The following HCN4 variants were observed in gnomAD, a reference collection of about 807,000 sequenced individuals.
The protein encoded by HCN4 is hyperpolarization activated cyclic nucleotide gated potassium channel 4.
In HCN4, 29 loss-of-function variants were observed where a neutral mutation model predicts 76.9. That is an observed-to-expected ratio of 0.38 (90% CI 0.28 to 0.51). HCN4 has a LOEUF of 0.51. HCN4 is among the 20% of genes least tolerant of loss of function. The pLI, the probability that HCN4 is intolerant of heterozygous loss-of-function variation, is 0.90. For synonymous variants in HCN4, 772 were observed against 762.5 expected (o/e 1.01, Z -0.21); for missense variants, 1,416 against 1,715.2 (o/e 0.83, Z 3.08).
chr15:73,333,565 C>G (rs77895166), intron 2 of HCN4, among the ~76,000 whole-genome samples: 1 of 152,160 alleles, frequency 6.6e-6, no homozygotes, highest in Non-Finnish European at 1.5e-5. Flanking sequence ...TACTTTTTGT[C>G]CACAGCTCAT....
rs551675674 is a variant in HCN4, at chr15:73,351,880, C to T, written c.786-8072G>A. On this transcript the variant is annotated intron_variant, in intron 1 of 7. Transcript: ENST00000261917. The stretch of plus-strand genomic sequence containing the variant: ...TGCTGCAGACAGACTCAGCAGCCTT[C>T]GGTGTCCCCAACGCATGGTGCTTTC... Among the ~76,000 whole-genome samples the T allele has an allele frequency of 4.6e-5, 7 of 152,274 alleles. No homozygotes were observed. In the South Asian group the frequency reaches 1.2e-3, roughly 27 times the overall value.
chr15:73,368,265 G>C lies in HCN4; in HGVS notation c.6C>G (p.Asp2Glu), dbSNP rs1230881569. 49 of 1,489,830 alleles carry C rather than the reference G, an allele frequency of 3.3e-5. No homozygotes were observed. Among genetic ancestry groups the C allele is most frequent in the Non-Finnish European group, 4.2e-5 (47 of 1,123,944 alleles). The allele number at this position is 1,489,830 out of a possible 1,614,324, so 92.3% of individuals were successfully genotyped here. M[D>E]KLPPSMRKRL... ...GCTTGCGCATGGACGGCGGCAGCTT[G>C]TCCATGGCGCCAGGGGCCGGGGTCG... The change falls in exon 1 of 8, where the codon GAC (aspartate) becomes GAG (glutamate). Residue 2 changes from aspartate to glutamate, a missense_variant. By Grantham distance (45) the Asp-to-Glu change is conservative. Transcript: ENST00000261917. This position sits in a 1 kb window ranked among gnomAD's most constrained non-coding sequence, Gnocchi z 6.9.
At chr15:73,352,812 C>T (rs1292269985) in intron 1 of HCN4, among the ~76,000 whole-genome samples, 1 of 152,214 alleles carries the variant, frequency 6.6e-6, no homozygotes, top group Admixed American at 6.5e-5. Flanking sequence ...GAGGCAACTC[C>T]ACTGCTCTCC....
rs952368455 is a variant in HCN4 at position 73,368,402 on chromosome 15, C to G, written c.-132G>C. The G allele has an allele frequency of 3.7e-4, 198 of 538,638 alleles. No homozygotes were observed. Among genetic ancestry groups the G allele is most frequent in the Non-Finnish European group, 4.9e-4 (170 of 347,546 alleles). 33.4% of individuals were successfully genotyped at this position (538,638 alleles called of 1,614,324 possible). A position where few individuals can be genotyped will look rare whatever the true frequency, so the allele number is the denominator to read the frequency against. On this transcript the variant is annotated 5_prime_UTR_variant, in exon 1 of 8. Transcript: ENST00000261917. The surrounding 1 kb of genome is among the most constrained non-coding windows in gnomAD (Gnocchi z 6.9). The stretch of plus-strand genomic sequence containing the variant: ...CCGCCGGCGTGGGGGCAGCCTCAGG[C>G]GCCCATGCTTGGGCAGGCTGCGCGC...
At chr15:73,350,005 A>G (rs2043046974) in intron 1 of HCN4, among the ~76,000 whole-genome samples, 1 of 152,038 alleles carries the variant, frequency 6.6e-6, no homozygotes, top group Non-Finnish European at 1.5e-5. Context: ...TCCCACCTCA[A>G]TGGTCCATTC....
At position 73,325,710 on chromosome 15, in the gene HCN4, G is replaced by C. The variant is rs1383350792; in HGVS notation, c.1591-266C>G. Among the ~76,000 whole-genome samples the C allele has an allele frequency of 6.6e-6, 1 of 152,198 alleles. No homozygotes were observed. Among genetic ancestry groups the C allele is most frequent in the Non-Finnish European group, 1.5e-5 (1 of 68,048 alleles). On this transcript the variant is annotated intron_variant, in intron 4 of 7. Coordinates refer to ENST00000261917, the MANE Select transcript of HCN4 (RefSeq NM_005477.3). This position sits in a 1 kb window ranked among gnomAD's most constrained non-coding sequence, Gnocchi z 7.4. ...TGTTCAATACTAAGGAGGTGGGTGA[G>C]GGCGGCAGGGAATGTCCAAAGCCCA... is the stretch of plus-strand genomic sequence containing the variant.
chr15:73,356,576 G>A (rs1353218535), intron 1 of HCN4, among the ~76,000 whole-genome samples: 1 of 151,738 alleles, frequency 6.6e-6, no homozygotes, highest in Non-Finnish European at 1.5e-5. Flanking sequence ...GAGGCCATAG[G>A]AAGGCTTCCC....
In HCN4 at chr15:73,325,025, C is replaced by T; in HGVS notation, c.1908G>A (p.Gln636=). ...GTIGKKMYFI[Q]HGVVSVLTKG... ...TGGTGAGCACGCTGACCACGCCATG[C>T]TGGATGAAGTACATCTTCTTGCCAA... Residue 636 remains glutamine (Q), a synonymous_variant, in exon 6 of 8, where the codon CAG becomes CAA. Transcript: ENST00000261917. The surrounding 1 kb of genome is among the most constrained non-coding windows in gnomAD (Gnocchi z 7.4). The T allele has an allele frequency of 1.2e-6, 2 of 1,614,236 alleles. No individual in the cohort carries two copies. The highest frequency in any genetic ancestry group is 1.7e-6 in the Non-Finnish European group (2 of 1,180,050).
Position 73,362,896 on chromosome 15 carries a change from A to G in HCN4, c.785+4590T>C, listed in dbSNP as rs1307698749. ...GGAGCCGAGGCCTCTCTAGCCAGGC[A>G]GTATGGGGATCCTGGCCCTCTGCCC... On this transcript the variant is annotated intron_variant, in intron 1 of 7. Coordinates refer to ENST00000261917, the MANE Select transcript of HCN4 (RefSeq NM_005477.3). Among the ~76,000 whole-genome samples, 4 of 152,222 alleles carry G rather than the reference A, an allele frequency of 2.6e-5. No homozygotes were observed. In the East Asian group the frequency reaches 7.7e-4, roughly 29 times the overall value.
chr15:73,350,552 G>A (rs2043051324), intron 1 of HCN4, among the ~76,000 whole-genome samples: 1 of 152,060 alleles, frequency 6.6e-6, no homozygotes, highest in Non-Finnish European at 1.5e-5. Context: ...TCAAAGCTCT[G>A]AAACCACCAC....
intron 4 of HCN4, among the ~76,000 whole-genome samples, chr15:73,329,171 G>A (rs1258989347): frequency 2.0e-5 from 3 of 152,174 alleles, no homozygotes; most frequent in African/African-American, 4.8e-5. Flanking sequence ...AGAGAAGCCA[G>A]CAAATGGGGG....
chr15:73,352,578 G>C (rs960279333), intron 1 of HCN4, among the ~76,000 whole-genome samples: 5 of 152,178 alleles, frequency 3.3e-5, no homozygotes, highest in African/African-American at 1.2e-4. Flanking sequence ...CTGGTCGGGG[G>C]ACCTTGTGGC....
Position 73,341,068 on chromosome 15 carries a change from AG to A in HCN4, c.1209+2316del, listed in dbSNP as rs914132898. ...AAGACAACTTGGTGGGGAGGGAGGT[AG>A]GTGTGTGTGTGTGTGTGTGTGTGTG... On this transcript the variant is annotated intron_variant, in intron 2 of 7. Coordinates refer to ENST00000261917, the MANE Select transcript of HCN4 (RefSeq NM_005477.3). 4 of 85,308 alleles carry A rather than the reference AG, an allele frequency of 4.7e-5. No individual in the cohort carries two copies. The South Asian group carries it at 1.9e-3, about 40-fold the overall frequency. The allele number at this position is 85,308 out of a possible 1,614,324, so 5.3% of individuals were successfully genotyped here.
At chr15:73,355,905 G>A (rs1192391703) in intron 1 of HCN4, among the ~76,000 whole-genome samples, 1 of 152,166 alleles carries the variant, frequency 6.6e-6, no homozygotes, top group Non-Finnish European at 1.5e-5. Flanking sequence ...TGGGGAAGAT[G>A]GGGGAGGTAA....
At chr15:73,366,533 G>T (rs1185627375) in intron 1 of HCN4, among the ~76,000 whole-genome samples, 2 of 152,188 alleles carry the variant, frequency 1.3e-5, no homozygotes, top group Non-Finnish European at 2.9e-5. Flanking sequence ...CCTTGACTTA[G>T]GTAAAGGCAT....
In HCN4 at chr15:73,343,594, T is replaced by C. The variant is rs1316189390; in HGVS notation, c.1000A>G (p.Lys334Glu). The change falls in exon 2 of 8, where the codon AAA (lysine) becomes GAA (glutamate). Residue 334 changes from lysine to glutamate, a missense_variant. By Grantham distance (56) the Lys-to-Glu change is moderately conservative. Around this residue, in one of 6 missense-constraint regions of HCN4, gnomAD observed 23 missense variants for 19.1 expected, o/e 1.21. Transcript: ENST00000261917. The surrounding 1 kb of genome is among the most constrained non-coding windows in gnomAD (Gnocchi z 5.7). ...AACCAGCTTTTCAGGTACTTCATTT[T>C]AATCCGCTGCGGGTCCAGGATGATC... ...TEIILDPQRI[K>E]MKYLKSWFMV... The C allele has an allele frequency of 4.3e-6, 7 of 1,614,184 alleles. No homozygotes were observed. Among genetic ancestry groups the C allele is most frequent in the Non-Finnish European group, 5.9e-6 (7 of 1,180,036 alleles).
At chr15:73,350,342 A>T (rs779325747) in intron 1 of HCN4, among the ~76,000 whole-genome samples, 178 of 152,278 alleles carry the variant, frequency 1.2e-3, no homozygotes, top group Middle Eastern at 6.8e-3. Flanking sequence ...TTTCATGTTC[A>T]CATGGGAGCT....
Position 73,322,997 on chromosome 15 carries a change from T to C in HCN4, c.3096A>G (p.Pro1032=). 1.4e-6 allele frequency: 2 copies of C among 1,448,462 alleles called. No homozygotes were observed. The highest frequency in any genetic ancestry group is 1.8e-6 in the Non-Finnish European group (2 of 1,101,762). The allele number at this position is 1,448,462 out of a possible 1,614,324, so 89.7% of individuals were successfully genotyped here. ...RGGLSPPGHS[P]GPPRTFPSAP... Reference sequence around the variant, plus strand: ...CACTCGGGAAGGTTCTTGGGGGGCCTGGGCTGTGGCCAGGGGGGCTGAGAC... The same window carrying C: ...CACTCGGGAAGGTTCTTGGGGGGCCCGGGCTGTGGCCAGGGGGGCTGAGAC... The change falls in exon 8 of 8, where the codon CCA becomes CCG. Residue 1032 remains proline, a synonymous_variant. Transcript: ENST00000261917.
intron 1 of HCN4, among the ~76,000 whole-genome samples, chr15:73,363,360 T>TC (rs937819820): frequency 6.6e-6 from 1 of 152,096 alleles, no homozygotes; most frequent in Non-Finnish European, 1.5e-5. Context: ...AGAACCCCTT[T>TC]CCCCCCTCAG....
Sources: gnomAD v4.1 joint callset for allele counts (sites outside exome capture counted in the v4.1 genomes callset) on GRCh38, gnomAD v4.1.1 for gene constraint, gnomAD v4.1.1 regional missense constraint, Gnocchi (gnomAD v3.1) non-coding constraint, MANE v1.5 for transcripts, NCBI Gene and HGNC (gene_info 2026-07-23, HGNC 2026-07-21) for gene names.